Variants in SULT6B1 observed in about 807,000 individuals in gnomAD.
SULT6B1 encodes sulfotransferase family 6B member 1.
SULT6B1 carries 44 observed loss-of-function variants against 37.2 expected under a neutral mutation model. That is an observed-to-expected ratio of 1.18 (90% CI 0.93 to 1.52). The LOEUF is 1.52. SULT6B1 is among the 40% of genes most tolerant of loss of function. The pLI is 0.00. For missense variants in SULT6B1, 450 were observed against 361.0 expected (o/e 1.25, Z -2.00); for synonymous variants, 140 against 126.0 (o/e 1.11, Z -0.74).
upstream of SULT6B1, chr2:37,191,351 G>C (rs1292920164): frequency 6.6e-6 from 1 of 152,004 alleles, no homozygotes; most frequent in African/African-American, 2.4e-5. Flanking sequence ...TAGTGATGCA[G>C]GATGGCACAT....
chr2:37,171,599 A>T lies in SULT6B1; in HGVS notation c.625-9T>A, dbSNP rs182267811. ...ATTCCAGCAGCCAGATTCTGTAAAA[A>T]AATTTTCTTAAAGATAAATTTCTTC... On this transcript the variant is annotated splice_polypyrimidine_tract_variant and intron_variant, in intron 5 of 6. Coordinates refer to ENST00000535679, the MANE Select transcript of SULT6B1 (RefSeq NM_001367551.1). 667 of 1,608,618 alleles carry T rather than the reference A, an allele frequency of 4.1e-4. 2 individuals are homozygous for T. The African/African-American group carries it at 7.8e-3, about 19-fold the overall frequency.
At chr2:37,179,651 GAGCAA>G (rs1458226596) in intron 3 of SULT6B1, 67 bp from the exon 4 acceptor site, 10 of 1,410,002 alleles carry the variant, frequency 7.1e-6, no homozygotes, top group Non-Finnish European at 9.9e-6. Context: ...TTAAAAGGGT[GAGCAA>G]TATCATCATG....
chr2:37,194,780 A>C (rs904699235), intron 1 of SULT6B1: 2 of 154,232 alleles, frequency 1.3e-5, no homozygotes, highest in Non-Finnish European at 2.9e-5. Flanking sequence ...CATTTCTTTA[A>C]GCTTTTTTTC....
chr2:37,168,036 T>A lies in SULT6B1; in HGVS notation c.811A>T (p.Ser271Cys). 6.3e-7 allele frequency: 1 copy of A among 1,595,884 alleles called. No homozygotes were observed. Among genetic ancestry groups the A allele is most frequent in the Non-Finnish European group, 8.5e-7 (1 of 1,175,748 alleles). Reference protein sequence around the residue: ...GEVGDWKNLFSEIQNQEMDEK... With the variant: ...GEVGDWKNLFCEIQNQEMDEK... The stretch of plus-strand genomic sequence containing the variant: ...TCCATTTCCTGGTTCTGAATTTCAC[T>A]GAACAAATTTTTCCAATCACCAACT... The change falls in exon 7 of 7, where the codon AGT (serine) becomes TGT (cysteine). Residue 271 changes from serine (S) to cysteine (C), a missense_variant. Ser to Cys is a moderately radical substitution (Grantham distance 112). Transcript: ENST00000535679.
intron 3 of SULT6B1, 120 bp downstream of exon 3, chr2:37,183,305 T>A (rs1299478521): frequency 1.3e-5 from 10 of 776,078 alleles, no homozygotes; most frequent in Non-Finnish European, 2.1e-5. Context: ...ACAAAAAAAC[T>A]AAATGTCACA....
At chr2:37,187,083 G>A (rs79486724) in intron 2 of SULT6B1, among the ~76,000 whole-genome samples, 3,533 of 152,282 alleles carry the variant, frequency 0.023, 65 homozygotes, top group Middle Eastern at 0.054. Context: ...AGCTCAAACT[G>A]GAAAACTTGG....
intron 6 of SULT6B1, among the ~76,000 whole-genome samples, chr2:37,168,806 G>A (rs1003149359): frequency 1.3e-5 from 2 of 152,170 alleles, no homozygotes; most frequent in African/African-American, 4.8e-5. Flanking sequence ...GCTGTTACCA[G>A]TAAAGAAAGT....
chr2:37,192,062 GT>G (rs1245533923), upstream of SULT6B1, among the ~76,000 whole-genome samples: 3 of 152,226 alleles, frequency 2.0e-5, no homozygotes, highest in Admixed American at 6.5e-5. Context: ...AGTACAGCTG[GT>G]TGGGCTGGGT....
chr2:37,178,558 C>G (rs572159419), intron 4 of SULT6B1, among the ~76,000 whole-genome samples: 1 of 152,058 alleles, frequency 6.6e-6, no homozygotes, highest in Admixed American at 6.6e-5. Flanking sequence ...GATTAGTTTC[C>G]TCATCTGTAC....
At chr2:37,187,494 C>G in intron 1 of SULT6B1, 27 bp from the exon 2 acceptor site, 1 of 1,423,466 alleles carries the variant, frequency 7.0e-7, no homozygotes, top group East Asian at 2.3e-5. Flanking sequence ...AGAATAAAAA[C>G]TCATTACGGA....
At chr2:37,171,110 G>A (rs1480171178) in intron 6 of SULT6B1, among the ~76,000 whole-genome samples, 6 of 152,084 alleles carry the variant, frequency 3.9e-5, no homozygotes, top group Non-Finnish European at 5.9e-5. Context: ...GTGGTGGCAC[G>A]CGCCTGTTAG....
In SULT6B1 at chr2:37,171,450, T is replaced by C. The variant is rs370572064; in HGVS notation, c.765A>G (p.Pro255=). 5 of 1,613,538 alleles carry C rather than the reference T, an allele frequency of 3.1e-6. No homozygotes were observed. The highest frequency in any genetic ancestry group is 1.3e-5 in the African/African-American group (1 of 74,904). Residue 255 remains proline (P), a synonymous_variant, in exon 6 of 7, where the codon CCA becomes CCG. Coordinates refer to ENST00000535679, the MANE Select transcript of SULT6B1 (RefSeq NM_001367551.1). The part of the protein sequence containing the change: ...KSQDTHGAVG[P]FLFRKGEVGD... Reference sequence around the variant, plus strand: ...CGACTTTACCTTTGCGGAAAAGGAATGGGCCGACAGCACCGTGTGTGTCCT... The same window carrying C: ...CGACTTTACCTTTGCGGAAAAGGAACGGGCCGACAGCACCGTGTGTGTCCT...
At chr2:37,182,714 G>A (rs994786101) in intron 3 of SULT6B1, among the ~76,000 whole-genome samples, 1 of 152,090 alleles carries the variant, frequency 6.6e-6, no homozygotes, top group East Asian at 1.9e-4. Context: ...AAGGAACAGA[G>A]GGGAGACCAG....
At chr2:37,192,239 T>C (rs1245755771), upstream of SULT6B1, among the ~76,000 whole-genome samples, 1 of 152,088 alleles carries the variant, frequency 6.6e-6, no homozygotes, top group African/African-American at 2.4e-5. Context: ...AATGTAAACA[T>C]ATGTAAACAT....
intron 3 of SULT6B1, among the ~76,000 whole-genome samples, chr2:37,181,915 G>C (rs1316133129): frequency 6.6e-6 from 1 of 152,194 alleles, no homozygotes; most frequent in Non-Finnish European, 1.5e-5. Flanking sequence ...TTCAAAGCTG[G>C]CTTAGGGGAT....
At chr2:37,169,022 C>A (rs1442783248) in intron 6 of SULT6B1, among the ~76,000 whole-genome samples, 1 of 152,062 alleles carries the variant, frequency 6.6e-6, no homozygotes, top group Non-Finnish European at 1.5e-5. Context: ...AGAAAATATG[C>A]CAGAAAGTTA....
intron 4 of SULT6B1, 111 bp downstream of exon 4, chr2:37,179,346 TG>T: frequency 7.4e-7 from 1 of 1,346,270 alleles, no homozygotes. Context: ...TGAAACTTTT[TG>T]GTTCCCAGAT....
intron 1 of SULT6B1, chr2:37,194,451 C>A: frequency 7.0e-6 from 3 of 429,816 alleles, no homozygotes; most frequent in South Asian, 5.4e-5. Context: ...TTTGGTGAAT[C>A]TTCATCCTCA....
chr2:37,171,600 A>AC lies in SULT6B1; in HGVS notation c.625-11_625-10insG. 1 of 1,608,538 alleles carries AC rather than the reference A, an allele frequency of 6.2e-7. No individual in the cohort carries two copies. Among genetic ancestry groups the AC allele is most frequent in the East Asian group, 2.2e-5 (1 of 44,844 alleles). ...TTCCAGCAGCCAGATTCTGTAAAAA[A>AC]ATTTTCTTAAAGATAAATTTCTTCC... On this transcript the variant is annotated splice_polypyrimidine_tract_variant and intron_variant, in intron 5 of 6. Coordinates refer to ENST00000535679, the MANE Select transcript of SULT6B1 (RefSeq NM_001367551.1).
Sources: allele counts gnomAD v4.1 joint callset (sites outside exome capture counted in the v4.1 genomes callset), GRCh38; gene constraint gnomAD v4.1.1; transcripts MANE v1.5; gene names NCBI Gene and HGNC (gene_info 2026-07-23, HGNC 2026-07-21).